Variants in NT5DC1 observed in about 807,000 individuals in gnomAD.
The protein encoded by NT5DC1 is 5'-nucleotidase domain-containing protein 1.
In NT5DC1, 42 loss-of-function variants were observed where a neutral mutation model predicts 59.4. That is an observed-to-expected ratio of 0.71 (90% CI 0.55 to 0.92). The LOEUF is 0.92. NT5DC1 is among the 40% of genes least tolerant of loss of function. NT5DC1 has a pLI of 0.00. For missense variants in NT5DC1, 501 were observed against 537.1 expected, an observed-to-expected ratio of 0.93 and a Z score of 0.66; for synonymous variants, 172 against 188.1, an observed-to-expected ratio of 0.91 and a Z score of 0.70.
At position 116,140,722 on chromosome 6, in the gene NT5DC1, A is replaced by G. The variant is rs529559313; in HGVS notation, c.529+22777A>G. 1.2e-3 allele frequency among the ~76,000 whole-genome samples: 183 copies of G among 152,292 alleles called. 1 individual carries two copies. Among genetic ancestry groups the G allele is most frequent in the South Asian group, 7.7e-3 (37 of 4,826 alleles). On this transcript the variant is annotated intron_variant, in intron 6 of 11. Transcript: ENST00000319550. ...TTGCATGTTTTTAAATTATATATTTAAAAGGAATTACACTGTATGTATCTG... is the reference window on the plus strand; with the variant it reads ...TTGCATGTTTTTAAATTATATATTTGAAAGGAATTACACTGTATGTATCTG...
At chr6:116,204,970 A>T (rs1053131721) in intron 6 of NT5DC1, among the ~76,000 whole-genome samples, 2 of 151,990 alleles carry the variant, frequency 1.3e-5, no homozygotes, top group African/African-American at 4.8e-5. Context: ...ATGTGTGTGT[A>T]AGTCCATAAC....
chr6:116,187,478 A>C (rs1781025669), intron 6 of NT5DC1, among the ~76,000 whole-genome samples: 1 of 152,130 alleles, frequency 6.6e-6, no homozygotes, highest in African/African-American at 2.4e-5. Flanking sequence ...CTTATTTTAA[A>C]GTTACAGTAA....
rs1771827914 is a variant in NT5DC1, at chr6:116,245,410, G to T, written c.*1386G>T. ...AAAAAATTTGTTAAAATTTGTAAAT[G>T]TTCAGCTAAATCTCAGATATACTGT... On this transcript the variant is annotated 3_prime_UTR_variant, in exon 12 of 12. Coordinates refer to ENST00000319550, the MANE Select transcript of NT5DC1 (RefSeq NM_152729.3). 6.6e-6 allele frequency: 1 copy of T among 152,540 alleles called. No individual in the cohort carries two copies. The highest frequency in any genetic ancestry group is 1.5e-5 in the Non-Finnish European group (1 of 67,998). The allele number at this position is 152,540 out of a possible 1,614,324, so 9.4% of individuals were successfully genotyped here.
intron 6 of NT5DC1, among the ~76,000 whole-genome samples, chr6:116,148,074 T>G (rs1342153873): frequency 6.6e-6 from 1 of 151,984 alleles, no homozygotes. Flanking sequence ...AAGAAGTGTA[T>G]AGAATAGAGT....
chr6:116,191,823 A>G (rs1292476973), intron 6 of NT5DC1, among the ~76,000 whole-genome samples: 1 of 152,016 alleles, frequency 6.6e-6, no homozygotes, highest in Non-Finnish European at 1.5e-5. Flanking sequence ...TGTATTCCCC[A>G]AACCTTAAGG....
rs775927537 is a variant in NT5DC1 at position 116,121,460 on chromosome 6, A to G, written c.529+3515A>G. 23 of 1,611,466 alleles carry G rather than the reference A, an allele frequency of 1.4e-5. No homozygotes were observed. Among genetic ancestry groups the G allele is most frequent in the Middle Eastern group, 3.3e-4 (2 of 6,074 alleles). The stretch of plus-strand genomic sequence containing the variant: ...AACCCCATTTTCACCTCTTTTTCCC[A>G]CTCCAGGAGGGCCAGATGGTCCTGT... On this transcript the variant is annotated intron_variant, in intron 6 of 11. Transcript: ENST00000319550.
rs543722234 is a variant in NT5DC1, at chr6:116,185,891, C to T, written c.530-35163C>T. Among the ~76,000 whole-genome samples the T allele has an allele frequency of 8.5e-5, 13 of 152,128 alleles. 1 individual carries two copies. In the East Asian group the frequency reaches 1.4e-3, roughly 16 times the overall value. ...AACGTTAGTATTGAGATGTAGCATA[C>T]TATTCTATTCATCCTGCAAGTTGTT... On this transcript the variant is annotated intron_variant, in intron 6 of 11. Coordinates refer to ENST00000319550, the MANE Select transcript of NT5DC1 (RefSeq NM_152729.3).
chr6:116,113,991 A>C (rs950150070), intron 4 of NT5DC1, among the ~76,000 whole-genome samples: 1 of 152,186 alleles, frequency 6.6e-6, no homozygotes, highest in African/African-American at 2.4e-5. Flanking sequence ...CTGGAGTGTC[A>C]TACAGTCCTA....
chr6:116,106,406 TGTAATGC>T, intron 2 of NT5DC1, 71 bp downstream of exon 2: 1 of 721,714 alleles, frequency 1.4e-6, no homozygotes. Context: ...CTGATAAAAC[TGTAATGC>T]TTTCTCTTCT....
chr6:116,133,028 G>A (rs546132043), intron 6 of NT5DC1, among the ~76,000 whole-genome samples: 8 of 152,236 alleles, frequency 5.3e-5, no homozygotes, highest in East Asian at 1.9e-4. Context: ...CCCCTGAAAC[G>A]TCAGATCAGG....
chr6:116,234,927 C>T (rs942410059), intron 8 of NT5DC1, among the ~76,000 whole-genome samples: 1 of 151,960 alleles, frequency 6.6e-6, no homozygotes, highest in Non-Finnish European at 1.5e-5. Flanking sequence ...GCCTCAGCTG[C>T]CCTTGTAAAT....
At chr6:116,173,683 T>G (rs1391698291) in intron 6 of NT5DC1, among the ~76,000 whole-genome samples, 1 of 152,176 alleles carries the variant, frequency 6.6e-6, no homozygotes, top group Non-Finnish European at 1.5e-5. Context: ...ATTTATTTAT[T>G]TTTTTGGTTG....
At chr6:116,122,424 C>G (rs1779159396) in intron 6 of NT5DC1, among the ~76,000 whole-genome samples, 1 of 152,200 alleles carries the variant, frequency 6.6e-6, no homozygotes. Context: ...TGCCATGCCT[C>G]TGCTGAACAC....
At chr6:116,145,410 AC>A (rs1779873018) in intron 6 of NT5DC1, 1 of 341,808 alleles carries the variant, frequency 2.9e-6, no homozygotes, top group Non-Finnish European at 6.5e-6. Context: ...AAAATGCAAA[AC>A]TTTTTCTGTT....
At position 116,144,244 on chromosome 6, in the gene NT5DC1, C is replaced by T. The variant is rs550373991; in HGVS notation, c.529+26299C>T. ...GGAGGCCAGGCACAGTGGCTCACGC[C>T]TGTATCCCAGCACTTTGGGAGGCCG... On this transcript the variant is annotated intron_variant, in intron 6 of 11. Transcript: ENST00000319550. Among the ~76,000 whole-genome samples, 220 of 152,296 alleles carry T rather than the reference C, an allele frequency of 1.4e-3. 2 individuals are homozygous for T. The highest frequency in any genetic ancestry group is 6.8e-3 in the Middle Eastern group (2 of 294).
chr6:116,152,324 G>T (rs756378975), intron 6 of NT5DC1, among the ~76,000 whole-genome samples: 1 of 151,990 alleles, frequency 6.6e-6, no homozygotes, highest in African/African-American at 2.4e-5. Context: ...TCAACTTATC[G>T]TACCATTTAA....
chr6:116,113,595 T>C (rs985870060), intron 4 of NT5DC1, among the ~76,000 whole-genome samples: 1 of 152,218 alleles, frequency 6.6e-6, no homozygotes, highest in Non-Finnish European at 1.5e-5. Context: ...AGCTCAAGGC[T>C]GAACAAGCCC....
At chr6:116,192,636 A>G (rs931128284) in intron 6 of NT5DC1, among the ~76,000 whole-genome samples, 1 of 152,104 alleles carries the variant, frequency 6.6e-6, no homozygotes, top group African/African-American at 2.4e-5. Flanking sequence ...GTATATTATA[A>G]AAAGTCAATA....
At chr6:116,155,231 C>G (rs150761614) in intron 6 of NT5DC1, among the ~76,000 whole-genome samples, 2 of 152,160 alleles carry the variant, frequency 1.3e-5, no homozygotes, top group Admixed American at 1.3e-4. Context: ...AGACAACTGT[C>G]GTGATGGTTA....
Sources: gnomAD v4.1 joint callset for allele counts (sites outside exome capture counted in the v4.1 genomes callset) on GRCh38, gnomAD v4.1.1 for gene constraint, MANE v1.5 for transcripts, NCBI Gene and HGNC (gene_info 2026-07-23, HGNC 2026-07-21) for gene names.